Variants in UPF2 observed in about 807,000 individuals in gnomAD.
UPF2 encodes the protein UPF2 regulator of nonsense mediated mRNA decay, also known as regulator of nonsense transcripts 2.
Under a neutral mutation model 141.4 loss-of-function variants are expected in UPF2, and 17 were observed. The ratio of observed to expected loss-of-function variants is 0.12; its 90% CI spans 0.08 to 0.18. The LOEUF (loss-of-function observed/expected upper bound fraction) is 0.18. Among genes scored for constraint, UPF2 ranks in the 10% least tolerant of loss-of-function variants. The pLI, the probability that UPF2 is intolerant of heterozygous loss-of-function variation, is 1.00. For synonymous variants in UPF2, 540 were observed against 498.0 expected, an observed-to-expected ratio of 1.08 and a Z score of -1.12; for missense variants, 1,152 against 1,515.9, an observed-to-expected ratio of 0.76 and a Z score of 3.99.
rs541771980 is a variant in UPF2, at chr10:11,998,723, G to A, written c.1759-966C>T. Among the ~76,000 whole-genome samples the A allele has an allele frequency of 1.2e-4, 18 of 152,078 alleles. No individual in the cohort carries two copies. The highest frequency in any genetic ancestry group is 3.6e-4 in the African/African-American group (15 of 41,484). On this transcript the variant is annotated intron_variant, in intron 7 of 21. Coordinates refer to ENST00000357604, the MANE Select transcript of UPF2 (RefSeq NM_015542.4). This position sits in a 1 kb window ranked among gnomAD's most constrained non-coding sequence, Gnocchi z 4.5. ...TAAAAAATTAGCCGGGCATGGTGGC[G>A]GGCACCTGTAGTCCCAGCTACTCGG...
intron 1 of UPF2, among the ~76,000 whole-genome samples, chr10:12,036,218 G>C (rs1181398423): frequency 6.6e-6 from 1 of 152,140 alleles, no homozygotes; most frequent in East Asian, 1.9e-4. Context: ...TAGAGGAAAG[G>C]GGTCACCATG....
chr10:11,979,024 T>C lies in UPF2; in HGVS notation c.1953+33A>G, dbSNP rs769887893. 1.3e-6 allele frequency: 2 copies of C among 1,515,810 alleles called. No homozygotes were observed. The highest frequency in any genetic ancestry group is 3.4e-5 in the Admixed American group (2 of 58,436). 93.9% of individuals were successfully genotyped at this position (1,515,810 alleles called of 1,614,324 possible). A position where few individuals can be genotyped will look rare whatever the true frequency, so the allele number is the denominator to read the frequency against. ...AATCCTCACTCAACGTATAAGAATA[T>C]AAATATTTCAAAATAAATGCTTAAA... On this transcript the variant is annotated intron_variant, in intron 9 of 21. Coordinates refer to ENST00000357604, the MANE Select transcript of UPF2 (RefSeq NM_015542.4). The surrounding 1 kb of genome is among the most constrained non-coding windows in gnomAD (Gnocchi z 6.2).
chr10:12,028,007 T>A (rs559552860), intron 3 of UPF2, among the ~76,000 whole-genome samples: 2 of 152,268 alleles, frequency 1.3e-5, no homozygotes, highest in South Asian at 2.1e-4. Flanking sequence ...TCCAAATCCA[T>A]CCTCCATAGA....
rs1834001633 is a variant in UPF2 at position 12,004,449 on chromosome 10, T to A, written c.1504+81A>T. 5 of 1,103,086 alleles carry A rather than the reference T, an allele frequency of 4.5e-6. No homozygotes were observed. In the South Asian group the frequency reaches 5.1e-5, roughly 11 times the overall value. The allele number at this position is 1,103,086 out of a possible 1,614,324, so 68.3% of individuals were successfully genotyped here. A position where few individuals can be genotyped will look rare whatever the true frequency, so the allele number is the denominator to read the frequency against. On this transcript the variant is annotated intron_variant, in intron 5 of 21. Transcript: ENST00000357604. The stretch of plus-strand genomic sequence containing the variant: ...TATTACAAAACTAGTAACTACAATA[T>A]ATATATTTTTTTTTTACAAATACTA...
At chr10:11,987,454 T>C (rs1011356132) in intron 8 of UPF2, among the ~76,000 whole-genome samples, 5 of 151,958 alleles carry the variant, frequency 3.3e-5, no homozygotes, top group African/African-American at 1.2e-4. Context: ...CTCAGTGGAG[T>C]CCAAATTAAT....
chr10:11,959,312 T>G lies in UPF2; in HGVS notation c.2229A>C (p.Arg743Ser). Residue 743 changes from arginine to serine, a missense_variant, in exon 12 of 22, where the codon AGA becomes AGC. By Grantham distance (110) the Arg-to-Ser change is moderately radical. Around this residue, in one of 4 missense-constraint regions of UPF2, gnomAD observed 739 missense variants for 1,032.2 expected, o/e 0.72. Coordinates refer to ENST00000357604, the MANE Select transcript of UPF2 (RefSeq NM_015542.4). The surrounding 1 kb of genome is among the most constrained non-coding windows in gnomAD (Gnocchi z 5.9). ...RKKQAMHLDARYVTMVENAYY... is the reference protein window; with the variant it reads ...RKKQAMHLDASYVTMVENAYY... ...ATGCATTCTCTACCATTGTGACGTA[T>G]CTCGCATCAAGATGCATTGCTTGCT... 1 of 1,596,974 alleles carries G rather than the reference T, an allele frequency of 6.3e-7. No individual in the cohort carries two copies. Among genetic ancestry groups the G allele is most frequent in the Non-Finnish European group, 8.5e-7 (1 of 1,175,322 alleles).
intron 8 of UPF2, among the ~76,000 whole-genome samples, chr10:11,981,226 A>G (rs1361969246): frequency 1.3e-5 from 2 of 152,228 alleles, no homozygotes; most frequent in African/African-American, 4.8e-5. Context: ...GAAACTGGCT[A>G]AATTCATACC....
chr10:12,037,143 G>A (rs925402182), intron 1 of UPF2, among the ~76,000 whole-genome samples: 1 of 152,176 alleles, frequency 6.6e-6, no homozygotes, highest in African/African-American at 2.4e-5. Flanking sequence ...GGAGTGCAGT[G>A]GCACAATCAC....
At chr10:12,026,944 T>C (rs1218555172) in intron 3 of UPF2, among the ~76,000 whole-genome samples, 1 of 152,170 alleles carries the variant, frequency 6.6e-6, no homozygotes, top group Non-Finnish European at 1.5e-5. Flanking sequence ...TGAGCCACCA[T>C]TTCCAGCCTG....
At position 12,004,509 on chromosome 10, in the gene UPF2, TA is replaced by T. The variant is rs201180018; in HGVS notation, c.1504+20del. Reference sequence around the variant, plus strand: ...TAATTCTTATAGCACTTAATGTAAATATTTTTTCTCTAGAATTTACCTTTGG... The same window carrying T: ...TAATTCTTATAGCACTTAATGTAAATTTTTTTCTCTAGAATTTACCTTTGG... On this transcript the variant is annotated intron_variant, in intron 5 of 21. Coordinates refer to ENST00000357604, the MANE Select transcript of UPF2 (RefSeq NM_015542.4). 4,684 of 1,580,870 alleles carry T rather than the reference TA, an allele frequency of 3.0e-3. 101 individuals are homozygous for T. The African/African-American group carries it at 0.051, about 17-fold the overall frequency.
In UPF2 at chr10:12,014,561, G is replaced by C. The variant is rs112402586; in HGVS notation, c.1146-377C>G. 1.7e-3 allele frequency among the ~76,000 whole-genome samples: 256 copies of C among 152,140 alleles called. 1 individual carries two copies. The highest frequency in any genetic ancestry group is 5.7e-3 in the African/African-American group (237 of 41,530). Reference sequence around the variant, plus strand: ...TTTCAAAAGAAACAGGTTATACAAAGAATCAATTATTCTTAAACCTCCATG... The same window carrying C: ...TTTCAAAAGAAACAGGTTATACAAACAATCAATTATTCTTAAACCTCCATG... On this transcript the variant is annotated intron_variant, in intron 3 of 21. Coordinates refer to ENST00000357604, the MANE Select transcript of UPF2 (RefSeq NM_015542.4). This position sits in a 1 kb window ranked among gnomAD's most constrained non-coding sequence, Gnocchi z 5.0.
At chr10:12,004,890 A>G (rs1396359078) in intron 4 of UPF2, among the ~76,000 whole-genome samples, 163 bp from the exon 5 acceptor site, 1 of 152,206 alleles carries the variant, frequency 6.6e-6, no homozygotes, top group Non-Finnish European at 1.5e-5. Context: ...TCAACACCAA[A>G]TCACAAACTG....
At chr10:11,949,378 A>G (rs1833045690) in intron 15 of UPF2, among the ~76,000 whole-genome samples, 1 of 151,628 alleles carries the variant, frequency 6.6e-6, no homozygotes, top group Non-Finnish European at 1.5e-5. Context: ...AATCCCATCC[A>G]CTCTTCATGT....
At chr10:11,946,973 G>T (rs118005383) in intron 16 of UPF2, among the ~76,000 whole-genome samples, 9,148 of 152,314 alleles carry the variant, frequency 0.06, 377 homozygotes, top group Non-Finnish European at 0.092. Flanking sequence ...AGGCCAAGGT[G>T]GGGGGATCAC....
At chr10:11,997,028 T>C (rs1157691945) in intron 8 of UPF2, among the ~76,000 whole-genome samples, 1 of 152,214 alleles carries the variant, frequency 6.6e-6, no homozygotes, top group Non-Finnish European at 1.5e-5. Flanking sequence ...TAAACAGAAA[T>C]AGATCTCCTC....
Position 12,035,444 on chromosome 10 carries a change from G to T in UPF2, c.-18-3C>A, listed in dbSNP as rs1310885261. 2.0e-6 allele frequency: 3 copies of T among 1,519,672 alleles called. No homozygotes were observed. Among genetic ancestry groups the T allele is most frequent in the East Asian group, 4.6e-5 (2 of 43,154 alleles). 94.1% of individuals were successfully genotyped at this position (1,519,672 alleles called of 1,614,324 possible). A position where few individuals can be genotyped will look rare whatever the true frequency, so the allele number is the denominator to read the frequency against. On this transcript the variant is annotated splice_region_variant and splice_polypyrimidine_tract_variant and intron_variant, in intron 1 of 21. Transcript: ENST00000357604. ...GGCATTATGTGACCCAGGACAATCT[G>T]TAAGAGGGAAAGAATGTCAGTACCA... is the stretch of plus-strand genomic sequence containing the variant.
intron 11 of UPF2, among the ~76,000 whole-genome samples, chr10:11,963,406 T>A (rs1345529351): frequency 6.6e-6 from 1 of 152,166 alleles, no homozygotes; most frequent in East Asian, 1.9e-4. Context: ...GGCGAGATCA[T>A]GACTCCTGCA....
intron 21 of UPF2, among the ~76,000 whole-genome samples, chr10:11,925,468 T>C (rs1484138461): frequency 2.0e-5 from 3 of 152,256 alleles, no homozygotes; most frequent in Non-Finnish European, 4.4e-5. Flanking sequence ...AAAGTTCTTT[T>C]GTCCATTCAC....
intron 15 of UPF2, among the ~76,000 whole-genome samples, chr10:11,949,697 C>T (rs1833049483): frequency 1.3e-5 from 2 of 152,094 alleles, no homozygotes; most frequent in Non-Finnish European, 2.9e-5. Context: ...GAAACTTTAG[C>T]GATGATGTGA....
Sources: allele counts gnomAD v4.1 joint callset (sites outside exome capture counted in the v4.1 genomes callset), GRCh38; gene constraint gnomAD v4.1.1; regional missense constraint gnomAD v4.1.1; non-coding constraint Gnocchi (gnomAD v3.1); transcripts MANE v1.5; gene names NCBI Gene and HGNC (gene_info 2026-07-23, HGNC 2026-07-21).